CFAP47: variants seen among roughly 807,000 people sequenced by gnomAD.
CFAP47 encodes cilia and flagella associated protein 47.
In CFAP47, 29 loss-of-function variants were observed where a neutral mutation model predicts 148.1. The ratio of observed to expected loss-of-function variants is 0.20; its 90% confidence interval spans 0.15 to 0.27. CFAP47 has a LOEUF of 0.27. Among genes scored for constraint, CFAP47 ranks in the 10% least tolerant of loss-of-function variants. CFAP47 has a pLI of 1.00. For missense variants in CFAP47, 1,872 were observed against 1,697.5 expected, an observed-to-expected ratio of 1.10 and a Z score of -1.81; for synonymous variants, 664 against 577.3, an observed-to-expected ratio of 1.15 and a Z score of -2.15.
intron 35 of CFAP47, among the ~76,000 whole-genome samples, chrX:36,143,980 T>G (rs770677359): frequency 9.0e-6 from 1 of 111,579 alleles, no homozygotes; most frequent in Admixed American, 9.6e-5. Flanking sequence ...GTCTTTTTTC[T>G]CACTAATTGT....
At position 36,384,951 on chromosome X, in the gene CFAP47, T is replaced by C. The variant is rs1017444857; in HGVS notation, c.9509T>C (p.Ile3170Thr). 9.7e-5 allele frequency: 113 copies of C among 1,165,241 alleles called. No individual in the cohort carries two copies. The highest frequency in any genetic ancestry group is 4.6e-4 in the Middle Eastern group (2 of 4,326). Residue 3170 changes from isoleucine (I) to threonine (T), a missense_variant, in exon 64 of 64, where the codon ATA becomes ACA. Transcript: ENST00000378653. ...HNFVRENTKL[I>T]RTGVSSTIKG... ...TTTGTCCGTGAAAATACTAAACTCA[T>C]AAGAACAGGGGTGTCTTCCACCATC...
chrX:36,052,247 T>C (rs773403040), intron 26 of CFAP47, among the ~76,000 whole-genome samples: 16 of 112,005 alleles, frequency 1.4e-4, no homozygotes, highest in African/African-American at 5.2e-4. Flanking sequence ...CCAATAAAAA[T>C]TGATTGTTTT....
chrX:35,952,047 T>A, intron 6 of CFAP47, 84 bp downstream of exon 6: 2 of 992,112 alleles, frequency 2.0e-6, no homozygotes, highest in Non-Finnish European at 2.6e-6. Flanking sequence ...ACTTTAATAC[T>A]ATAATAGTAA....
chrX:36,239,321 TC>T (rs1940512085), intron 48 of CFAP47, among the ~76,000 whole-genome samples: 1 of 112,364 alleles, frequency 8.9e-6, no homozygotes, highest in African/African-American at 3.2e-5. Flanking sequence ...CTTGAAATAA[TC>T]TAAGAAGTAT....
At chrX:36,074,641 A>T (rs1404303803) in intron 29 of CFAP47, among the ~76,000 whole-genome samples, 1 of 111,770 alleles carries the variant, frequency 8.9e-6, no homozygotes. Flanking sequence ...ATATATAATT[A>T]TACGGTACAC....
At chrX:36,381,986 A>G (rs1437227122) in intron 63 of CFAP47, among the ~76,000 whole-genome samples, 1 of 111,226 alleles carries the variant, frequency 9.0e-6, no homozygotes, top group African/African-American at 3.3e-5. Flanking sequence ...GTTTGCCTTT[A>G]AAGGAATAGA....
At chrX:36,174,129 CTTT>C (rs1939630530) in intron 39 of CFAP47, among the ~76,000 whole-genome samples, 1 of 106,946 alleles carries the variant, frequency 9.4e-6, no homozygotes, top group African/African-American at 3.4e-5. Context: ...CAACCCCTGC[CTTT>C]TTTTGTTTTC....
chrX:36,011,010 A>T (rs1335246874), intron 21 of CFAP47, among the ~76,000 whole-genome samples: 1 of 111,840 alleles, frequency 8.9e-6, no homozygotes, highest in Non-Finnish European at 1.9e-5. Context: ...ACATCAGATT[A>T]TCCTCCTTTC....
intron 8 of CFAP47, among the ~76,000 whole-genome samples, chrX:35,958,800 C>T (rs943348082): frequency 8.9e-6 from 1 of 112,053 alleles, no homozygotes; most frequent in African/African-American, 3.2e-5. Flanking sequence ...ATTCAGGTTT[C>T]ACTTGAAATT....
At chrX:36,148,574 A>G (rs1347496120) in intron 36 of CFAP47, among the ~76,000 whole-genome samples, 2 of 111,853 alleles carry the variant, frequency 1.8e-5, no homozygotes, top group Non-Finnish European at 3.8e-5. Flanking sequence ...AATGCTCCCC[A>G]TGTCTCTGGA....
chrX:36,323,421 A>T (rs781948040), intron 57 of CFAP47, among the ~76,000 whole-genome samples: 15 of 110,286 alleles, frequency 1.4e-4, no homozygotes, highest in South Asian at 7.6e-4. Context: ...GTATTTGGCC[A>T]AGAAATATAC....
chrX:36,294,192 T>C (rs1569310511), intron 51 of CFAP47, among the ~76,000 whole-genome samples: 1 of 110,799 alleles, frequency 9.0e-6, no homozygotes, highest in Non-Finnish European at 1.9e-5. Context: ...CTACCTGTCA[T>C]CTCATTTCAT....
Position 36,105,056 on chromosome X carries a change from TCTC to T in CFAP47, c.5320+368_5320+370del, listed in dbSNP as rs779051625. Among the ~76,000 whole-genome samples the T allele has an allele frequency of 3.6e-5, 4 of 111,312 alleles. No individual in the cohort carries two copies. The East Asian group carries it at 1.1e-3, about 32-fold the overall frequency. On this transcript the variant is annotated intron_variant, in intron 33 of 63. Transcript: ENST00000378653. ...TATAACTAGTCGAGATCAAGTAAAA[TCTC>T]CTAGAAAAAATTTCACATGTCATAT...
intron 50 of CFAP47, among the ~76,000 whole-genome samples, chrX:36,281,037 C>T: frequency 9.0e-6 from 1 of 111,576 alleles, no homozygotes; most frequent in East Asian, 2.8e-4. Flanking sequence ...ACTATTTTTC[C>T]CCCTATATTA....
At chrX:36,221,132 A>G (rs1940208853) in intron 45 of CFAP47, among the ~76,000 whole-genome samples, 1 of 111,926 alleles carries the variant, frequency 8.9e-6, no homozygotes, top group Non-Finnish European at 1.9e-5. Flanking sequence ...TCCAAGAACA[A>G]TGGTTACTAA....
chrX:36,231,319 G>T (rs1352472250), intron 46 of CFAP47, among the ~76,000 whole-genome samples: 3 of 98,428 alleles, frequency 3.0e-5, no homozygotes, highest in Non-Finnish European at 6.1e-5. Flanking sequence ...CCTTGAAGAG[G>T]TCCTTCACAT....
At chrX:36,176,405 A>G (rs889639909) in intron 39 of CFAP47, among the ~76,000 whole-genome samples, 12 of 112,062 alleles carry the variant, frequency 1.1e-4, no homozygotes, top group African/African-American at 3.9e-4. Context: ...AAAATATTTT[A>G]TGTTTTAGCT....
intron 7 of CFAP47, among the ~76,000 whole-genome samples, chrX:35,954,003 C>T (rs959318033): frequency 3.4e-4 from 38 of 110,476 alleles, no homozygotes; most frequent in African/African-American, 1.2e-3. Context: ...AAAAAAAACC[C>T]GGATTTGTTT....
chrX:36,091,453 A>G (rs1179679139), intron 30 of CFAP47, among the ~76,000 whole-genome samples: 2 of 111,591 alleles, frequency 1.8e-5, no homozygotes, highest in African/African-American at 6.5e-5. Context: ...TGGAGACATC[A>G]TCTCATTGCA....
Sources: allele counts gnomAD v4.1 joint callset (sites outside exome capture counted in the v4.1 genomes callset), GRCh38; gene constraint gnomAD v4.1.1; transcripts MANE v1.5; gene names NCBI Gene and HGNC (gene_info 2026-07-23, HGNC 2026-07-21).